Variants in CCDC91 observed in about 807,000 individuals in gnomAD.
The protein encoded by CCDC91 is coiled-coil domain-containing protein 91.
A neutral mutation model predicts 63.2 loss-of-function variants in CCDC91; 48 were observed. That is an observed-to-expected ratio of 0.76 (90% CI 0.60 to 0.97). The LOEUF (loss-of-function observed/expected upper bound fraction) is 0.97, where lower values mean the gene tolerates loss of function less well. Ranked by LOEUF, CCDC91 falls within the 50% of genes least tolerant of loss-of-function variation. The pLI, the probability that CCDC91 is intolerant of heterozygous loss-of-function variation, is 0.00. For missense variants in CCDC91, 500 were observed against 494.6 expected, an observed-to-expected ratio of 1.01 and a Z score of -0.10; for synonymous variants, 167 against 165.8, an observed-to-expected ratio of 1.01 and a Z score of -0.06.
chr12:28,526,914 C>T (rs1258408873), intron 12 of CCDC91, among the ~76,000 whole-genome samples: 1 of 151,850 alleles, frequency 6.6e-6, no homozygotes, highest in African/African-American at 2.4e-5. Flanking sequence ...TTTTCCAGAG[C>T]ATTTTGTATT....
chr12:28,400,011 C>CAGT (rs575074062), intron 8 of CCDC91, among the ~76,000 whole-genome samples: 3 of 152,188 alleles, frequency 2.0e-5, no homozygotes, highest in African/African-American at 4.8e-5. Context: ...TTCTACTAGG[C>CAGT]AGTACCTCAG....
chr12:28,248,559 G>A (rs1161282739), intron 1 of CCDC91, among the ~76,000 whole-genome samples: 2 of 152,004 alleles, frequency 1.3e-5, no homozygotes, highest in Admixed American at 1.3e-4. Flanking sequence ...GAGTATGATA[G>A]TCTTATATAG....
At chr12:28,224,855 T>C (rs1944173426) in intron 1 of CCDC91, among the ~76,000 whole-genome samples, 1 of 152,188 alleles carries the variant, frequency 6.6e-6, no homozygotes, top group Admixed American at 6.5e-5. Flanking sequence ...TAGCGCAGAA[T>C]TACAACGGTA....
chr12:28,503,908 A>G (rs371247461), intron 12 of CCDC91, among the ~76,000 whole-genome samples: 2 of 150,348 alleles, frequency 1.3e-5, no homozygotes, highest in South Asian at 2.1e-4. Context: ...ACACAGGAAG[A>G]GGAACATCAC....
chr12:28,285,940 GA>G lies in CCDC91; in HGVS notation c.110-19704del, dbSNP rs1344904621. Among the ~76,000 whole-genome samples, 4 of 151,976 alleles carry G rather than the reference GA, an allele frequency of 2.6e-5. No homozygotes were observed. The East Asian group carries it at 7.8e-4, about 30-fold the overall frequency. On this transcript the variant is annotated intron_variant, in intron 3 of 12. Coordinates refer to ENST00000536442, the MANE Select transcript of CCDC91 (RefSeq NM_018318.5). ...ATTATTTATCATAAAACTTTTAAAA[GA>G]AAAATAATGTTGTTCTGCTCATTTT...
chr12:28,417,797 GGT>G (rs1394959384), intron 8 of CCDC91, among the ~76,000 whole-genome samples: 10 of 151,974 alleles, frequency 6.6e-5, no homozygotes, highest in Admixed American at 5.2e-4. Flanking sequence ...GATTAACTAT[GGT>G]CCCAATGCCG....
intron 8 of CCDC91, among the ~76,000 whole-genome samples, chr12:28,393,546 C>G (rs984189093): frequency 6.6e-6 from 1 of 152,168 alleles, no homozygotes; most frequent in Non-Finnish European, 1.5e-5. Flanking sequence ...TGTCTCTTTT[C>G]CCTAAACCAT....
At chr12:28,350,125 T>G (rs1055690650) in intron 6 of CCDC91, among the ~76,000 whole-genome samples, 1 of 152,234 alleles carries the variant, frequency 6.6e-6, no homozygotes, top group African/African-American at 2.4e-5. Flanking sequence ...CAACTTTGAC[T>G]CTTTGCCTTT....
chr12:28,362,577 A>C, intron 7 of CCDC91, 62 bp downstream of exon 7: 3 of 974,170 alleles, frequency 3.1e-6, no homozygotes, highest in Admixed American at 2.8e-5. Flanking sequence ...AAATGTACAC[A>C]TGTAGGTATG....
At chr12:28,462,672 A>T (rs1434636193) in intron 11 of CCDC91, among the ~76,000 whole-genome samples, 1 of 152,164 alleles carries the variant, frequency 6.6e-6, no homozygotes, top group Non-Finnish European at 1.5e-5. Context: ...ATACTATCGT[A>T]GTATTCTAGT....
chr12:28,327,280 TG>T (rs1416462044), intron 6 of CCDC91, among the ~76,000 whole-genome samples: 1 of 152,124 alleles, frequency 6.6e-6, no homozygotes, highest in Non-Finnish European at 1.5e-5. Flanking sequence ...ACAAGCAAGC[TG>T]GAAGCTTGCA....
chr12:28,270,121 T>C (rs1203923163), intron 3 of CCDC91, among the ~76,000 whole-genome samples: 2 of 151,808 alleles, frequency 1.3e-5, no homozygotes, highest in African/African-American at 4.8e-5. Flanking sequence ...ATCTTCTAGA[T>C]TTGTTTTTTT....
At chr12:28,279,825 C>T (rs1948481368) in intron 3 of CCDC91, among the ~76,000 whole-genome samples, 1 of 151,750 alleles carries the variant, frequency 6.6e-6, no homozygotes, top group South Asian at 2.1e-4. Context: ...AAAGCATATT[C>T]TCATGGTGCT....
Position 28,391,324 on chromosome 12 carries a change from T to G in CCDC91, c.675T>G (p.Val225=). ...TTCAGGCACTACTGCAGTCTTCAGTTAAGCAACAAGTAGAAGCTATTGAAA... is the reference window on the plus strand; with the variant it reads ...TTCAGGCACTACTGCAGTCTTCAGTGAAGCAACAAGTAGAAGCTATTGAAA... ...DEYKALLQSS[V]KQQVEAIEKQ... is the part of the protein sequence containing the mutation. Residue 225 remains valine (V), a synonymous_variant, in exon 8 of 13, where the codon GTT becomes GTG. Coordinates refer to ENST00000536442, the MANE Select transcript of CCDC91 (RefSeq NM_018318.5). 1 of 1,612,324 alleles carries G rather than the reference T, an allele frequency of 6.2e-7. No individual in the cohort carries two copies. The highest frequency in any genetic ancestry group is 1.1e-5 in the South Asian group (1 of 91,002).
intron 1 of CCDC91, among the ~76,000 whole-genome samples, chr12:28,237,537 C>T (rs1945047077): frequency 6.6e-6 from 1 of 152,028 alleles, no homozygotes; most frequent in South Asian, 2.1e-4. Flanking sequence ...AAGATACTAG[C>T]CTTGAACATT....
intron 12 of CCDC91, among the ~76,000 whole-genome samples, chr12:28,523,308 G>A (rs1940921622): frequency 6.6e-6 from 1 of 152,156 alleles, no homozygotes; most frequent in African/African-American, 2.4e-5. Flanking sequence ...TTGTTGAATT[G>A]ATCCCTTTAC....
intron 3 of CCDC91, among the ~76,000 whole-genome samples, chr12:28,269,200 A>G (rs549947680): frequency 4.6e-4 from 70 of 151,656 alleles, no homozygotes; most frequent in African/African-American, 1.6e-3. Flanking sequence ...CTCTTTTTAA[A>G]GGTTGGGCAT....
intron 8 of CCDC91, among the ~76,000 whole-genome samples, chr12:28,402,520 A>ATTTTTTTTTTTTTTTTTTT (rs57398967): frequency 1.9e-5 from 1 of 51,926 alleles, no homozygotes. Context: ...AGTTCCAGGA[A>ATTTTTTTTTTTTTTTTTTT]TTTTTTTTTT....
chr12:28,519,271 T>C (rs1565510987), intron 12 of CCDC91, among the ~76,000 whole-genome samples: 3 of 151,492 alleles, frequency 2.0e-5, no homozygotes, highest in Admixed American at 6.6e-5. Flanking sequence ...ACCTCCTTAG[T>C]TAGGTATATT....
Sources: allele counts gnomAD v4.1 joint callset (sites outside exome capture counted in the v4.1 genomes callset), GRCh38; gene constraint gnomAD v4.1.1; transcripts MANE v1.5; gene names NCBI Gene and HGNC (gene_info 2026-07-23, HGNC 2026-07-21).